Variants in CHRM3 observed in about 807,000 individuals in gnomAD.
CHRM3 encodes the protein cholinergic receptor muscarinic 3.
Under a neutral mutation model 41.8 loss-of-function variants are expected in CHRM3, and 11 were observed. The observed-to-expected ratio is 0.26, with a 90% CI of 0.17 to 0.44. The LOEUF is 0.44. Ranked by LOEUF, CHRM3 falls within the 20% of genes least tolerant of loss-of-function variation. The pLI, the probability that CHRM3 is intolerant of heterozygous loss-of-function variation, is 1.00. For synonymous variants in CHRM3, 297 were observed against 301.4 expected, an observed-to-expected ratio of 0.99 and a Z score of 0.15; for missense variants, 571 against 745.4, an observed-to-expected ratio of 0.77 and a Z score of 2.72.
chr1:239,514,144 G>A (rs142360910), intron 2 of CHRM3, among the ~76,000 whole-genome samples: 2 of 152,038 alleles, frequency 1.3e-5, no homozygotes, highest in African/African-American at 4.8e-5. Context: ...ATAAATTATA[G>A]AATCAAGTTT....
chr1:239,482,654 C>T (rs1413862657), intron 1 of CHRM3, among the ~76,000 whole-genome samples: 1 of 152,104 alleles, frequency 6.6e-6, no homozygotes, highest in African/African-American at 2.4e-5. Context: ...AGCTCTCAAC[C>T]GTAGAATTCT....
chr1:239,820,198 G>C (rs1427256288), intron 5 of CHRM3, among the ~76,000 whole-genome samples: 1 of 152,192 alleles, frequency 6.6e-6, no homozygotes, highest in Non-Finnish European at 1.5e-5. Flanking sequence ...TGTGCACACA[G>C]GGAGAATCAC....
chr1:239,459,723 G>C (rs2147871246), intron 1 of CHRM3, among the ~76,000 whole-genome samples: 1 of 152,200 alleles, frequency 6.6e-6, no homozygotes, highest in East Asian at 1.9e-4. Flanking sequence ...TAACACAGTT[G>C]ATAGTTTTGT....
chr1:239,874,947 C>T (rs1369990660), intron 6 of CHRM3, among the ~76,000 whole-genome samples: 1 of 152,118 alleles, frequency 6.6e-6, no homozygotes, highest in East Asian at 1.9e-4. Flanking sequence ...GATCCGCCCA[C>T]CTCAGCCTCC....
chr1:239,680,539 A>G (rs1021797586), intron 5 of CHRM3, among the ~76,000 whole-genome samples: 2 of 152,112 alleles, frequency 1.3e-5, no homozygotes, highest in African/African-American at 4.8e-5. Context: ...TGCACCTTAC[A>G]TAGGATCAAA....
intron 5 of CHRM3, among the ~76,000 whole-genome samples, chr1:239,736,754 GTGT>G (rs1170325665): frequency 1.3e-5 from 2 of 152,118 alleles, no homozygotes; most frequent in Non-Finnish European, 2.9e-5. Context: ...TGGCAGCATT[GTGT>G]TGTTAATGTT....
chr1:239,639,371 C>T (rs966919218), intron 4 of CHRM3, among the ~76,000 whole-genome samples: 3 of 152,272 alleles, frequency 2.0e-5, no homozygotes, highest in East Asian at 1.9e-4. Flanking sequence ...GCCATTTTTA[C>T]GATATTGATT....
intron 2 of CHRM3, among the ~76,000 whole-genome samples, chr1:239,502,813 T>C (rs2354404): frequency 0.21 from 32,640 of 152,122 alleles, 3,999 homozygotes; most frequent in Middle Eastern, 0.37. Context: ...AAAAATCACA[T>C]GATCATCTCA....
At chr1:239,866,121 C>T (rs957698078) in intron 6 of CHRM3, among the ~76,000 whole-genome samples, 6 of 152,086 alleles carry the variant, frequency 3.9e-5, no homozygotes, top group Non-Finnish European at 7.4e-5. Flanking sequence ...CTCACGCCTG[C>T]AATCTCAGCA....
At chr1:239,638,842 T>C (rs1184185486) in intron 4 of CHRM3, among the ~76,000 whole-genome samples, 2 of 152,054 alleles carry the variant, frequency 1.3e-5, no homozygotes, top group South Asian at 2.1e-4. Flanking sequence ...CTTGCCCATG[T>C]CTATGTCCTG....
chr1:239,891,582 A>G (rs968231789), intron 6 of CHRM3, among the ~76,000 whole-genome samples: 16 of 152,160 alleles, frequency 1.1e-4, no homozygotes, highest in African/African-American at 3.9e-4. Flanking sequence ...TTAATAAGCT[A>G]TGGGAAGCAT....
chr1:239,388,135 T>C (rs1225459669), intron 1 of CHRM3, among the ~76,000 whole-genome samples: 1 of 152,168 alleles, frequency 6.6e-6, no homozygotes, highest in Non-Finnish European at 1.5e-5. Flanking sequence ...ATTTGGGAAC[T>C]GCATCCATAT....
rs545788359 is a variant in CHRM3, at chr1:239,636,999, G to C, written c.-250+4713G>C. On this transcript the variant is annotated intron_variant, in intron 4 of 6. Coordinates refer to ENST00000676153, the MANE Select transcript of CHRM3 (RefSeq NM_001375978.1). Reference sequence around the variant, plus strand: ...ATCTATATGAAATTTTGTGAAAGAAGTTCAGTTTGTATCCTCGGTATTAAA... The same window carrying C: ...ATCTATATGAAATTTTGTGAAAGAACTTCAGTTTGTATCCTCGGTATTAAA... Among the ~76,000 whole-genome samples, 60 of 152,246 alleles carry C rather than the reference G, an allele frequency of 3.9e-4. No homozygotes were observed. The South Asian group carries it at 0.012, about 32-fold the overall frequency.
intron 1 of CHRM3, among the ~76,000 whole-genome samples, chr1:239,468,530 A>G (rs528607325): frequency 9.9e-5 from 15 of 152,254 alleles, no homozygotes; most frequent in African/African-American, 3.1e-4. Flanking sequence ...GAAATTTGCT[A>G]TTTTAGGAGG....
intron 6 of CHRM3, among the ~76,000 whole-genome samples, chr1:239,846,577 G>A (rs1674283557): frequency 6.6e-6 from 1 of 152,150 alleles, no homozygotes; most frequent in Admixed American, 6.5e-5. Context: ...GAGTGATATG[G>A]AGAATTCATG....
At chr1:239,763,960 G>GACAT (rs1282045842) in intron 5 of CHRM3, among the ~76,000 whole-genome samples, 1 of 151,666 alleles carries the variant, frequency 6.6e-6, no homozygotes, top group Non-Finnish European at 1.5e-5. Context: ...GCATGGTGTG[G>GACAT]ACATGCCTGT....
At chr1:239,447,259 G>A (rs1461356793) in intron 1 of CHRM3, among the ~76,000 whole-genome samples, 1 of 151,786 alleles carries the variant, frequency 6.6e-6, no homozygotes, top group Non-Finnish European at 1.5e-5. Context: ...GTTCATGACA[G>A]CTCAATATTA....
intron 3 of CHRM3, among the ~76,000 whole-genome samples, chr1:239,580,258 TCACACACACACACACACACA>T (rs374479816): frequency 0.02 from 2,636 of 132,778 alleles, 34 homozygotes; most frequent in Middle Eastern, 0.084. Context: ...ATACACACTG[TCACACACACACACACACACA>T]CACACACACA....
At chr1:239,419,216 C>T (rs1661738547) in intron 1 of CHRM3, among the ~76,000 whole-genome samples, 1 of 152,046 alleles carries the variant, frequency 6.6e-6, no homozygotes, top group Admixed American at 6.6e-5. Context: ...AACATCTATT[C>T]CTTTTTTTTC....
Sources: allele counts gnomAD v4.1 joint callset (sites outside exome capture counted in the v4.1 genomes callset), GRCh38; gene constraint gnomAD v4.1.1; transcripts MANE v1.5; gene names NCBI Gene and HGNC (gene_info 2026-07-23, HGNC 2026-07-21).